IFT140: variants seen among roughly 807,000 people sequenced by gnomAD.
IFT140 encodes the protein intraflagellar transport protein 140 homolog.
IFT140 carries 133 observed loss-of-function variants against 164.6 expected under a neutral mutation model. The ratio of observed to expected loss-of-function variants is 0.81; its 90% CI spans 0.70 to 0.93. The LOEUF (loss-of-function observed/expected upper bound fraction) is 0.93, where lower values mean the gene tolerates loss of function less well. Among genes scored for constraint, IFT140 ranks in the 40% least tolerant of loss-of-function variants. The probability of loss-of-function intolerance (pLI) is 0.00; values close to 1 mark genes in which losing one functional copy is unlikely to be tolerated. For synonymous variants in IFT140, 860 were observed against 817.3 expected, an observed-to-expected ratio of 1.05 and a Z score of -0.89; for missense variants, 2,045 against 1,972.3, an observed-to-expected ratio of 1.04 and a Z score of -0.70.
chr16:1,526,299 GCCCCCCTCCCACAGC>G (rs899759410), intron 20 of IFT140: 16 of 515,882 alleles, frequency 3.1e-5, no homozygotes, highest in South Asian at 8.8e-5. Flanking sequence ...ACCTCCCACA[GCCCCCCTCCCACAGC>G]CCCCCCTCCC....
intron 19 of IFT140, among the ~76,000 whole-genome samples, chr16:1,543,111 G>A (rs551387480): frequency 6.6e-6 from 1 of 152,338 alleles, no homozygotes; most frequent in African/African-American, 2.4e-5. Context: ...AGGTCAGCCC[G>A]GTGCCCGCAG....
intron 26 of IFT140, 151 bp downstream of exon 26, chr16:1,523,367 C>T (rs1009308022): frequency 2.3e-5 from 17 of 729,764 alleles, no homozygotes; most frequent in South Asian, 2.2e-4. Flanking sequence ...CTGGGTGTGC[C>T]GTATGTGAAA....
intron 4 of IFT140, 49 bp downstream of exon 4, chr16:1,602,321 T>G (rs1047974483): frequency 1.3e-6 from 2 of 1,518,818 alleles, no homozygotes; most frequent in Non-Finnish European, 1.8e-6. Flanking sequence ...TCGAGCATGG[T>G]CAGAAAGGGT....
At chr16:1,556,423 A>G (rs1414745161) in intron 19 of IFT140, among the ~76,000 whole-genome samples, 2 of 152,254 alleles carry the variant, frequency 1.3e-5, no homozygotes, top group African/African-American at 4.8e-5. Flanking sequence ...GCCTGGCCTC[A>G]TGCCCTGCTG....
chr16:1,607,712 C>T (rs1229801520), intron 2 of IFT140, among the ~76,000 whole-genome samples: 2 of 152,154 alleles, frequency 1.3e-5, no homozygotes, highest in Admixed American at 6.5e-5. Flanking sequence ...GGTGTGATCA[C>T]GGCTCACTGC....
chr16:1,523,490 C>A (rs762669424), intron 26 of IFT140, 28 bp downstream of exon 26: 1 of 1,597,138 alleles, frequency 6.3e-7, no homozygotes, highest in Non-Finnish European at 8.5e-7. Flanking sequence ...CTGCGTGGAG[C>A]CGAGCCCAGG....
intron 19 of IFT140, chr16:1,540,836 C>T (rs900034768): frequency 2.0e-6 from 2 of 985,266 alleles, no homozygotes; most frequent in African/African-American, 1.7e-5. Flanking sequence ...CAATAGAAAA[C>T]AAGGCATGGC....
chr16:1,576,562 A>G (rs1425786127), intron 13 of IFT140, among the ~76,000 whole-genome samples: 1 of 150,736 alleles, frequency 6.6e-6, no homozygotes, highest in African/African-American at 2.5e-5. Context: ...ACTCCACTCC[A>G]GCCTGGGTGA....
At chr16:1,529,629 C>T (rs1162833296) in intron 19 of IFT140, among the ~76,000 whole-genome samples, 1 of 152,252 alleles carries the variant, frequency 6.6e-6, no homozygotes. Context: ...GCCCTCGGTC[C>T]TCTAGAGCTC....
At chr16:1,512,646 G>C (rs1445315707) in intron 30 of IFT140, among the ~76,000 whole-genome samples, 1 of 152,104 alleles carries the variant, frequency 6.6e-6, no homozygotes, top group Admixed American at 6.6e-5. Context: ...AGTTCTCCTA[G>C]AAATAGAAAC....
chr16:1,516,707 T>G (rs1383969369), intron 30 of IFT140, among the ~76,000 whole-genome samples: 2 of 149,506 alleles, frequency 1.3e-5, no homozygotes, highest in Non-Finnish European at 3.0e-5. Context: ...GAGGCAGAGC[T>G]TGCAGTGAGC....
intron 1 of IFT140, among the ~76,000 whole-genome samples, chr16:1,611,536 C>T (rs551545276): frequency 4.8e-4 from 71 of 149,250 alleles, no homozygotes; most frequent in Non-Finnish European, 9.3e-4. Context: ...GAATTTGAGC[C>T]GGGCGCGGTG....
intron 13 of IFT140, 193 bp downstream of exon 13, chr16:1,580,566 C>T: frequency 2.0e-6 from 1 of 497,212 alleles, no homozygotes; most frequent in Non-Finnish European, 3.6e-6. Context: ...AGTCATGCTT[C>T]CTGTAAAGCC....
chr16:1,570,366 T>G (rs2033953027), intron 14 of IFT140, among the ~76,000 whole-genome samples: 1 of 152,220 alleles, frequency 6.6e-6, no homozygotes, highest in African/African-American at 2.4e-5. Flanking sequence ...GATTTGTTCA[T>G]GCTGACACCT....
intron 4 of IFT140, among the ~76,000 whole-genome samples, chr16:1,597,167 G>A (rs2035505582): frequency 6.6e-6 from 1 of 152,144 alleles, no homozygotes; most frequent in Non-Finnish European, 1.5e-5. Context: ...GTCAGGTGAG[G>A]GTTTACTTGA....
intron 19 of IFT140, among the ~76,000 whole-genome samples, chr16:1,543,352 T>C (rs765420377): frequency 2.0e-5 from 3 of 152,238 alleles, no homozygotes; most frequent in Non-Finnish European, 2.9e-5. Context: ...GCTGACAGAC[T>C]GTGGGGGCAG....
intron 16 of IFT140, 123 bp downstream of exon 16, chr16:1,566,038 T>C (rs906511230): frequency 3.9e-5 from 33 of 844,166 alleles, no homozygotes; most frequent in African/African-American, 2.0e-4. Context: ...CCTCTTTCTT[T>C]TTCCTACTGG....
intron 4 of IFT140, 41 bp from the exon 5 acceptor site, chr16:1,592,629 GC>G: frequency 1.9e-6 from 3 of 1,584,702 alleles, no homozygotes; most frequent in South Asian, 2.3e-5. Flanking sequence ...AGGTGTCCCG[GC>G]AGAGCGACTG....
At chr16:1,575,960 G>A (rs563317813) in intron 13 of IFT140, among the ~76,000 whole-genome samples, 2 of 152,314 alleles carry the variant, frequency 1.3e-5, no homozygotes, top group East Asian at 3.9e-4. Context: ...TGATTTTCAA[G>A]GGCCCACTTA....
Sources: allele counts gnomAD v4.1 joint callset (sites outside exome capture counted in the v4.1 genomes callset), GRCh38; gene constraint gnomAD v4.1.1; transcripts MANE v1.5; gene names NCBI Gene and HGNC (gene_info 2026-07-23, HGNC 2026-07-21).